The following L3MBTL4 variants were observed in gnomAD, a reference collection of about 807,000 sequenced individuals.
The protein encoded by L3MBTL4 is L3MBTL histone methyl-lysine binding protein 4, also known as lethal(3)malignant brain tumor-like protein 4.
L3MBTL4 carries 70 observed loss-of-function variants against 84.5 expected under a neutral mutation model. The ratio of observed to expected loss-of-function variants is 0.83; its 90% confidence interval spans 0.68 to 1.01. The LOEUF is 1.01. Among genes scored for constraint, L3MBTL4 ranks in the 50% least tolerant of loss-of-function variants. The pLI is 0.00. For missense variants in L3MBTL4, 715 were observed against 754.8 expected, an observed-to-expected ratio of 0.95 and a Z score of 0.62; for synonymous variants, 274 against 259.8, an observed-to-expected ratio of 1.05 and a Z score of -0.52.
intron 5 of L3MBTL4, among the ~76,000 whole-genome samples, chr18:6,245,262 A>G (rs568699452): frequency 1.3e-5 from 2 of 152,246 alleles, no homozygotes; most frequent in South Asian, 4.2e-4. Flanking sequence ...AAGATGGAAG[A>G]CTGTTCTTAT....
intron 1 of L3MBTL4, among the ~76,000 whole-genome samples, chr18:6,327,156 C>A (rs767198024): frequency 6.6e-6 from 1 of 152,190 alleles, no homozygotes; most frequent in Non-Finnish European, 1.5e-5. Context: ...GCATCAGGAG[C>A]TCTCACATCC....
chr18:6,173,486 G>T, intron 12 of L3MBTL4, among the ~76,000 whole-genome samples: 1 of 152,104 alleles, frequency 6.6e-6, no homozygotes, highest in East Asian at 1.9e-4. Context: ...CTACAAAAAA[G>T]GGGGAACCAA....
intron 1 of L3MBTL4, among the ~76,000 whole-genome samples, chr18:6,326,151 C>T (rs541437535): frequency 1.8e-4 from 28 of 152,264 alleles, no homozygotes; most frequent in Middle Eastern, 6.8e-3. Context: ...GCATAAGCTG[C>T]GCCCTGGCAT....
At chr18:6,000,199 T>C (rs2054153172) in intron 16 of L3MBTL4, among the ~76,000 whole-genome samples, 1 of 152,214 alleles carries the variant, frequency 6.6e-6, no homozygotes, top group South Asian at 2.1e-4. Flanking sequence ...TTTTAAAATG[T>C]ATCCATAAAA....
chr18:5,995,500 C>A (rs1009961327), intron 16 of L3MBTL4, among the ~76,000 whole-genome samples: 3 of 152,084 alleles, frequency 2.0e-5, no homozygotes, highest in Non-Finnish European at 2.9e-5. Flanking sequence ...CTGAATCCAG[C>A]CAAGGTTATC....
chr18:5,981,251 T>C (rs2053197975), intron 16 of L3MBTL4, among the ~76,000 whole-genome samples: 1 of 152,208 alleles, frequency 6.6e-6, no homozygotes, highest in South Asian at 2.1e-4. Flanking sequence ...TAGTCTTCTT[T>C]GTTATGCAAG....
At chr18:6,249,905 A>G (rs2047849783) in intron 5 of L3MBTL4, among the ~76,000 whole-genome samples, 1 of 152,200 alleles carries the variant, frequency 6.6e-6, no homozygotes, top group South Asian at 2.1e-4. Context: ...AACTTTCTCT[A>G]GGTCACACAG....
chr18:6,023,221 T>C (rs185222123), intron 16 of L3MBTL4, among the ~76,000 whole-genome samples: 13 of 152,276 alleles, frequency 8.5e-5, no homozygotes, highest in East Asian at 1.9e-4. Context: ...TAGCAGAGAA[T>C]AGATAGGGAG....
intron 13 of L3MBTL4, among the ~76,000 whole-genome samples, chr18:6,163,954 C>T (rs555778012): frequency 6.6e-6 from 1 of 152,296 alleles, no homozygotes; most frequent in South Asian, 2.1e-4. Context: ...TGACAGATGG[C>T]ACCTGGAAAA....
intron 16 of L3MBTL4, among the ~76,000 whole-genome samples, chr18:5,998,003 A>G (rs1218136214): frequency 6.6e-6 from 1 of 152,146 alleles, no homozygotes; most frequent in African/African-American, 2.4e-5. Flanking sequence ...TTTCTTTCCA[A>G]AAGTTAAAAT....
chr18:6,298,057 T>G (rs2050179785), intron 4 of L3MBTL4, among the ~76,000 whole-genome samples: 1 of 152,202 alleles, frequency 6.6e-6, no homozygotes, highest in East Asian at 1.9e-4. Context: ...TGTCAAAAAG[T>G]GGACTTGAAG....
chr18:6,008,514 T>C (rs2054589823), intron 16 of L3MBTL4, among the ~76,000 whole-genome samples: 1 of 152,210 alleles, frequency 6.6e-6, no homozygotes, highest in African/African-American at 2.4e-5. Flanking sequence ...AGTTCTTGCA[T>C]CCTCACGTGG....
chr18:6,072,881 A>AAAT (rs1555645982), intron 16 of L3MBTL4, among the ~76,000 whole-genome samples: 1 of 20,450 alleles, frequency 4.9e-5, no homozygotes, highest in Non-Finnish European at 8.8e-5. Flanking sequence ...AAAAAAAAAA[A>AAAT]ATATATATAT....
intron 1 of L3MBTL4, among the ~76,000 whole-genome samples, chr18:6,404,550 A>G (rs375979583): frequency 2.6e-5 from 4 of 152,344 alleles, no homozygotes; most frequent in Admixed American, 6.5e-5. Flanking sequence ...ACAGAAGGAT[A>G]TGCTAGTCCT....
intron 1 of L3MBTL4, among the ~76,000 whole-genome samples, chr18:6,404,584 C>T (rs78466370): frequency 6.6e-6 from 1 of 152,024 alleles, no homozygotes; most frequent in South Asian, 2.1e-4. Context: ...ACTATGGGGA[C>T]CTTCATTACG....
At chr18:6,024,556 C>G (rs1232170810) in intron 16 of L3MBTL4, among the ~76,000 whole-genome samples, 1 of 152,190 alleles carries the variant, frequency 6.6e-6, no homozygotes, top group Non-Finnish European at 1.5e-5. Flanking sequence ...AATATGCAAA[C>G]TTCCTACTTT....
chr18:6,246,292 A>C (rs1283091525), intron 5 of L3MBTL4, among the ~76,000 whole-genome samples: 1 of 152,210 alleles, frequency 6.6e-6, no homozygotes, highest in African/African-American at 2.4e-5. Context: ...TTTTCACATA[A>C]AACTGCCAAT....
intron 4 of L3MBTL4, among the ~76,000 whole-genome samples, chr18:6,295,848 G>T (rs765914185): frequency 2.0e-5 from 3 of 152,146 alleles, no homozygotes; most frequent in Non-Finnish European, 4.4e-5. Context: ...CAGTGCTGGA[G>T]GTGGGCCTGG....
intron 13 of L3MBTL4, among the ~76,000 whole-genome samples, chr18:6,167,332 C>T (rs992639562): frequency 1.3e-5 from 2 of 152,176 alleles, no homozygotes; most frequent in Non-Finnish European, 2.9e-5. Flanking sequence ...TTTTATGAGG[C>T]CAGCATCATC....
Sources: allele counts gnomAD v4.1 joint callset (sites outside exome capture counted in the v4.1 genomes callset), GRCh38; gene constraint gnomAD v4.1.1; transcripts MANE v1.5; gene names NCBI Gene and HGNC (gene_info 2026-07-23, HGNC 2026-07-21).